Variants in JAKMIP1 observed in about 807,000 individuals in gnomAD.
JAKMIP1 encodes janus kinase and microtubule interacting protein 1, also known as janus kinase and microtubule-interacting protein 1.
A neutral mutation model predicts 113.0 loss-of-function variants in JAKMIP1; 33 were observed. That is an observed-to-expected ratio of 0.29 (90% CI 0.22 to 0.39). The LOEUF is 0.39. JAKMIP1 is among the 10% of genes least tolerant of loss of function. JAKMIP1 has a pLI of 1.00. For synonymous variants in JAKMIP1, 480 were observed against 459.9 expected, an observed-to-expected ratio of 1.04 and a Z score of -0.56; for missense variants, 813 against 1,080.5, an observed-to-expected ratio of 0.75 and a Z score of 3.47.
intron 8 of JAKMIP1, among the ~76,000 whole-genome samples, chr4:6,068,490 G>C (rs913618355): frequency 6.6e-6 from 1 of 152,026 alleles, no homozygotes; most frequent in Non-Finnish European, 1.5e-5. Flanking sequence ...AGTTCCCATA[G>C]CAGCAACGAG....
At chr4:6,053,952 A>T (rs751035978) in intron 13 of JAKMIP1, 98 bp downstream of exon 13, 2 of 1,601,422 alleles carry the variant, frequency 1.2e-6, no homozygotes, top group South Asian at 2.3e-5. Flanking sequence ...CCCTTTACAC[A>T]TGCTTGAAAA....
Position 6,062,977 on chromosome 4 carries a change from T to C in JAKMIP1, c.1432-537A>G, listed in dbSNP as rs182849926. Among the ~76,000 whole-genome samples, 707 of 152,266 alleles carry C rather than the reference T, an allele frequency of 4.6e-3. 3 individuals are homozygous for C. The highest frequency in any genetic ancestry group is 8.0e-3 in the Non-Finnish European group (541 of 68,012). On this transcript the variant is annotated intron_variant, in intron 9 of 20. Coordinates refer to ENST00000409021, the MANE Select transcript of JAKMIP1 (RefSeq NM_001099433.2). ...GGCCAACATGGCAAAACTCCATCTC[T>C]ACTAAAATACAAAAATTAGCTGGTT...
chr4:6,071,831 G>C (rs891647311), intron 8 of JAKMIP1, among the ~76,000 whole-genome samples: 4 of 152,154 alleles, frequency 2.6e-5, no homozygotes, highest in African/African-American at 9.7e-5. Flanking sequence ...CCTATCCCCA[G>C]GACCCACATC....
rs1715453605 is a variant in JAKMIP1, at chr4:6,049,972, CTTTCT to C, written c.1909-105_1909-101del. The stretch of plus-strand genomic sequence containing the variant: ...TTTCCTCTGGACAAGACACCGCGCT[CTTTCT>C]TTTCTTTTCTGGCCAAGTTTTGCGC... On this transcript the variant is annotated intron_variant, in intron 14 of 20. Coordinates refer to ENST00000409021, the MANE Select transcript of JAKMIP1 (RefSeq NM_001099433.2). This position sits in a 1 kb window ranked among gnomAD's most constrained non-coding sequence, Gnocchi z 7.0. 1.1e-5 allele frequency: 9 copies of C among 796,618 alleles called. No homozygotes were observed. Among genetic ancestry groups the C allele is most frequent in the East Asian group, 2.6e-5 (1 of 38,472 alleles). The allele number at this position is 796,618 out of a possible 1,614,324, so 49.3% of individuals were successfully genotyped here. A position where few individuals can be genotyped will look rare whatever the true frequency, so the allele number is the denominator to read the frequency against.
In JAKMIP1 at chr4:6,067,956, T is replaced by G. The variant is rs528678946; in HGVS notation, c.1303-2948A>C. The stretch of plus-strand genomic sequence containing the variant: ...CAAGGCCTTTGGGGACGAGTCTGTT[T>G]GTTGCTGTAGCCCAGGAAGCATCAT... On this transcript the variant is annotated intron_variant, in intron 8 of 20. Coordinates refer to ENST00000409021, the MANE Select transcript of JAKMIP1 (RefSeq NM_001099433.2). This position sits in a 1 kb window ranked among gnomAD's most constrained non-coding sequence, Gnocchi z 4.6. Among the ~76,000 whole-genome samples the G allele has an allele frequency of 2.4e-4, 36 of 152,242 alleles. No individual in the cohort carries two copies. Among genetic ancestry groups the G allele is most frequent in the South Asian group, 8.3e-4 (4 of 4,822 alleles).
chr4:6,101,613 G>A (rs1055809399), intron 3 of JAKMIP1, among the ~76,000 whole-genome samples: 3 of 151,750 alleles, frequency 2.0e-5, no homozygotes, highest in East Asian at 3.9e-4. Context: ...GTGGCTGGGC[G>A]TGGTGACTCA....
At chr4:6,148,801 C>T in intron 1 of JAKMIP1, among the ~76,000 whole-genome samples, 1 of 152,264 alleles carries the variant, frequency 6.6e-6, no homozygotes, top group Non-Finnish European at 1.5e-5. Flanking sequence ...CCAGCATGAC[C>T]ACAGCATCCT....
intron 1 of JAKMIP1, among the ~76,000 whole-genome samples, chr4:6,148,927 G>A (rs756350902): frequency 1.2e-4 from 19 of 152,264 alleles, no homozygotes; most frequent in Non-Finnish European, 2.1e-4. Context: ...GGGACTGGGT[G>A]TGGTGAGACG....
Position 6,086,861 on chromosome 4 carries a change from G to A in JAKMIP1, c.625-1232C>T, listed in dbSNP as rs749778225. On this transcript the variant is annotated intron_variant, in intron 3 of 20. Transcript: ENST00000409021. The surrounding 1 kb of genome is among the most constrained non-coding windows in gnomAD (Gnocchi z 4.1). The stretch of plus-strand genomic sequence containing the variant: ...CGTGTAAGGACGGAGGCAGAGGCTG[G>A]AGGGACACAGCCTCAAGCCAAGGAA... Among the ~76,000 whole-genome samples the A allele has an allele frequency of 6.5e-4, 99 of 152,232 alleles. No homozygotes were observed. The highest frequency in any genetic ancestry group is 1.2e-3 in the Non-Finnish European group (81 of 68,028).
intron 11 of JAKMIP1, among the ~76,000 whole-genome samples, chr4:6,058,993 G>A (rs149872978): frequency 6.6e-6 from 1 of 152,258 alleles, no homozygotes; most frequent in East Asian, 1.9e-4. Flanking sequence ...AATGTGTTAG[G>A]TATTATTATT....
At chr4:6,196,106 G>A (rs535760928) in intron 1 of JAKMIP1, among the ~76,000 whole-genome samples, 10 of 152,268 alleles carry the variant, frequency 6.6e-5, no homozygotes, top group East Asian at 3.9e-4. Flanking sequence ...GGATGCCCCC[G>A]GCCCCACTGG....
intron 4 of JAKMIP1, 44 bp from the exon 5 acceptor site, chr4:6,085,009 G>A (rs1474483183): frequency 2.3e-6 from 3 of 1,302,114 alleles, no homozygotes; most frequent in East Asian, 3.4e-5. Context: ...AGACGTAAAT[G>A]TACTTTGAAG....
chr4:6,030,120 A>C (rs11944030), intron 19 of JAKMIP1, among the ~76,000 whole-genome samples: 3,356 of 152,312 alleles, frequency 0.022, 128 homozygotes, highest in African/African-American at 0.076. Flanking sequence ...TCTTTTAAAA[A>C]CAAAACATCG....
At chr4:6,165,282 T>G (rs1299509536) in intron 1 of JAKMIP1, among the ~76,000 whole-genome samples, 1 of 152,172 alleles carries the variant, frequency 6.6e-6, no homozygotes, top group East Asian at 1.9e-4. Flanking sequence ...TAGCTAAAGT[T>G]GTTTTGTTTT....
intron 19 of JAKMIP1, among the ~76,000 whole-genome samples, chr4:6,033,269 A>C (rs1560623979): frequency 1.3e-5 from 2 of 152,188 alleles, no homozygotes; most frequent in South Asian, 4.1e-4. Context: ...GCAAACTGGG[A>C]GACTGGGAGG....
intron 19 of JAKMIP1, 79 bp downstream of exon 19, chr4:6,035,825 G>T: frequency 8.1e-7 from 1 of 1,234,998 alleles, no homozygotes; most frequent in Non-Finnish European, 1.1e-6. Context: ...GGCACTCAGA[G>T]GCCCATCAGG....
rs139798769 is a variant in JAKMIP1 at position 6,152,966 on chromosome 4, C to T, written c.-147-39969G>A. ...ACCCTGGGCAACAAGAGTGAGACTC[C>T]GTCTCAAAAAAACAAAAAGAAGTGG... On this transcript the variant is annotated intron_variant, in intron 1 of 20. Coordinates refer to ENST00000409021, the MANE Select transcript of JAKMIP1 (RefSeq NM_001099433.2). Among the ~76,000 whole-genome samples the T allele has an allele frequency of 5.6e-3, 844 of 151,002 alleles. 5 individuals are homozygous for T. Among genetic ancestry groups the T allele is most frequent in the Non-Finnish European group, 9.1e-3 (619 of 67,754 alleles).
rs1727513136 is a variant in JAKMIP1 at position 6,193,518 on chromosome 4, C to A, written c.-148+6735G>T. ...CATTCCAGGCAGCAAGCAGCTCACA[C>A]AAGCGCTCTGAGCAGCAAGAATCCA... On this transcript the variant is annotated intron_variant, in intron 1 of 20. Coordinates refer to ENST00000409021, the MANE Select transcript of JAKMIP1 (RefSeq NM_001099433.2). This position sits in a 1 kb window ranked among gnomAD's most constrained non-coding sequence, Gnocchi z 6.4. Among the ~76,000 whole-genome samples the A allele has an allele frequency of 1.3e-5, 2 of 152,214 alleles. No homozygotes were observed. Among genetic ancestry groups the A allele is most frequent in the South Asian group, 4.1e-4 (2 of 4,836 alleles).
chr4:6,036,247 G>A lies in JAKMIP1; in HGVS notation c.2176-140C>T, dbSNP rs923108725. 1.4e-5 allele frequency: 9 copies of A among 649,180 alleles called. No homozygotes were observed. In the African/African-American group the frequency reaches 1.5e-4, roughly 11 times the overall value. 40.2% of individuals were successfully genotyped at this position (649,180 alleles called of 1,614,324 possible). On this transcript the variant is annotated intron_variant, in intron 18 of 20. Coordinates refer to ENST00000409021, the MANE Select transcript of JAKMIP1 (RefSeq NM_001099433.2). ...GGCAACTGGCAGGGGCCAAGCACAG[G>A]GCCAGCAGTGCCCGGGGGAGCAGGC...
Sources: allele counts gnomAD v4.1 joint callset (sites outside exome capture counted in the v4.1 genomes callset), GRCh38; gene constraint gnomAD v4.1.1; non-coding constraint Gnocchi (gnomAD v3.1); transcripts MANE v1.5; gene names NCBI Gene and HGNC (gene_info 2026-07-23, HGNC 2026-07-21).